Variants in METAP2 observed in about 807,000 individuals in gnomAD.
METAP2 encodes the protein methionine aminopeptidase 2.
In METAP2, 25 loss-of-function variants were observed where a neutral mutation model predicts 59.4. The observed-to-expected ratio is 0.42, with a 90% CI of 0.31 to 0.59. The LOEUF is 0.59. Among genes scored for constraint, METAP2 ranks in the 20% least tolerant of loss-of-function variants. The probability of loss-of-function intolerance (pLI) is 0.16; values close to 1 mark genes in which losing one functional copy is unlikely to be tolerated. For synonymous variants in METAP2, 214 were observed against 194.1 expected (o/e 1.10, Z -0.85); for missense variants, 366 against 581.2 (o/e 0.63, Z 3.81).
chr12:95,503,249 A>G (rs1220410930), intron 7 of METAP2, among the ~76,000 whole-genome samples: 2 of 151,790 alleles, frequency 1.3e-5, no homozygotes, highest in East Asian at 3.9e-4. Context: ...CATTCTTGTA[A>G]CCAATCTCTG....
rs2076192755 is a variant in METAP2, at chr12:95,485,874, C to T, written c.326-5C>T. On this transcript the variant is annotated splice_polypyrimidine_tract_variant and splice_region_variant and intron_variant, in intron 3 of 10. Transcript: ENST00000323666. ...AGAAGTTAATGCTTTATTTGTATCTCACAGCAAAAGTTCAAACAGACCCTC... is the reference window on the plus strand; with the variant it reads ...AGAAGTTAATGCTTTATTTGTATCTTACAGCAAAAGTTCAAACAGACCCTC... 1 of 1,524,990 alleles carries T rather than the reference C, an allele frequency of 6.6e-7. No individual in the cohort carries two copies. Among genetic ancestry groups the T allele is most frequent in the African/African-American group, 1.4e-5 (1 of 70,248 alleles). 94.5% of individuals were successfully genotyped at this position (1,524,990 alleles called of 1,614,324 possible). A position where few individuals can be genotyped will look rare whatever the true frequency, so the allele number is the denominator to read the frequency against.
At chr12:95,501,517 C>T (rs1203149068) in intron 7 of METAP2, among the ~76,000 whole-genome samples, 1 of 152,088 alleles carries the variant, frequency 6.6e-6, no homozygotes, top group African/African-American at 2.4e-5. Context: ...GAGATTGAGA[C>T]TGTTCTGGCC....
chr12:95,501,144 G>T (rs2076312357), intron 7 of METAP2, among the ~76,000 whole-genome samples: 1 of 151,472 alleles, frequency 6.6e-6, no homozygotes, highest in Non-Finnish European at 1.5e-5. Context: ...CAAGTAGCCG[G>T]GACCACAGGC....
At position 95,513,690 on chromosome 12, in the gene METAP2, A is replaced by G; in HGVS notation, c.1223A>G (p.Glu408Gly). 6.2e-7 allele frequency: 1 copy of G among 1,614,198 alleles called. No individual in the cohort carries two copies. The highest frequency in any genetic ancestry group is 8.5e-7 in the Non-Finnish European group (1 of 1,180,036). ...AAACACTTGTTAAATGTCATCAATG[A>G]AAACTTTGGAACCCTTGCCTTCTGC... The part of the protein sequence containing the change: ...RTKHLLNVIN[E>G]NFGTLAFCRR... Residue 408 changes from glutamate to glycine, a missense_variant, in exon 11 of 11, where the codon GAA becomes GGA. Physicochemically the swap from Glu to Gly is moderately conservative, Grantham distance 98 (BLOSUM62 -2). Transcript: ENST00000323666.
intron 3 of METAP2, among the ~76,000 whole-genome samples, chr12:95,485,210 A>G (rs1438614487): frequency 1.3e-5 from 2 of 152,180 alleles, no homozygotes; most frequent in Non-Finnish European, 2.9e-5. Context: ...CTATTTAGCC[A>G]TTTGTTCAAG....
At chr12:95,494,270 C>T (rs1382855376) in intron 5 of METAP2, 53 bp downstream of exon 5, 12 of 1,499,890 alleles carry the variant, frequency 8.0e-6, no homozygotes, top group Non-Finnish European at 1.0e-5. Flanking sequence ...TTATTAAGTA[C>T]TAACTCTCCA....
chr12:95,488,511 C>CAAAAAAAAAAAAA (rs537119415), intron 4 of METAP2, among the ~76,000 whole-genome samples: 2 of 76,562 alleles, frequency 2.6e-5, no homozygotes, highest in African/African-American at 1.0e-4. Context: ...TTTGTCTCAC[C>CAAAAAAAAAAAAA]AAAAAAAAAA....
intron 4 of METAP2, among the ~76,000 whole-genome samples, chr12:95,486,352 A>G (rs549960284): frequency 6.6e-6 from 1 of 152,036 alleles, no homozygotes; most frequent in Non-Finnish European, 1.5e-5. Context: ...ATAAGGGTTG[A>G]TGTCTACTAT....
chr12:95,486,838 A>G (rs1594417240), intron 4 of METAP2, among the ~76,000 whole-genome samples: 1 of 152,212 alleles, frequency 6.6e-6, no homozygotes, highest in East Asian at 1.9e-4. Context: ...TAACAAGTAC[A>G]GATGACTTAA....
intron 8 of METAP2, among the ~76,000 whole-genome samples, chr12:95,505,751 T>C (rs142940797): frequency 0.13 from 20,147 of 150,946 alleles, 1,869 homozygotes; most frequent in East Asian, 0.37. Flanking sequence ...CACCTCGGCC[T>C]CCCGAAGTGC....
At chr12:95,476,976 C>T (rs1260338849) in intron 2 of METAP2, among the ~76,000 whole-genome samples, 2 of 152,202 alleles carry the variant, frequency 1.3e-5, no homozygotes, top group Non-Finnish European at 2.9e-5. Flanking sequence ...TTTACCCAGC[C>T]ATCTCATTTT....
chr12:95,491,780 A>G lies in METAP2; in HGVS notation c.429-2276A>G, dbSNP rs185654495. Among the ~76,000 whole-genome samples the G allele has an allele frequency of 3.0e-3, 447 of 149,854 alleles. 5 individuals carry two copies. Among genetic ancestry groups the G allele is most frequent in the Non-Finnish European group, 5.8e-4 (39 of 67,498 alleles). ...GTCCCCCTTGCCCTCCCAAAGTGCT[A>G]GGATTACAGGTGTGAGCGACCATGC... On this transcript the variant is annotated intron_variant, in intron 4 of 10. Transcript: ENST00000323666.
rs370344721 is a variant in METAP2 at position 95,474,166 on chromosome 12, C to G, written c.-14C>G. ...CGCCGCTCTGTCTCATTCCCTCGCG[C>G]TCTCTCGGGCAACATGGCGGGTGTG... is the stretch of plus-strand genomic sequence containing the variant. On this transcript the variant is annotated 5_prime_UTR_variant, in exon 1 of 11. Coordinates refer to ENST00000323666, the MANE Select transcript of METAP2 (RefSeq NM_006838.4). The G allele has an allele frequency of 1.2e-6, 2 of 1,612,998 alleles. No individual in the cohort carries two copies. Among genetic ancestry groups the G allele is most frequent in the Non-Finnish European group, 1.7e-6 (2 of 1,179,520 alleles).
chr12:95,511,478 G>A (rs539172173), intron 8 of METAP2, among the ~76,000 whole-genome samples: 170 of 129,970 alleles, frequency 1.3e-3, no homozygotes, highest in African/African-American at 4.4e-3. Context: ...GGCAACCTCC[G>A]CTTCCCGGGT....
intron 7 of METAP2, among the ~76,000 whole-genome samples, chr12:95,499,986 C>A (rs1258321641): frequency 6.6e-6 from 1 of 152,184 alleles, no homozygotes; most frequent in Non-Finnish European, 1.5e-5. Context: ...CTCCCTCTCT[C>A]AGCACATGGG....
rs2076273354 is a variant in METAP2 at position 95,496,050 on chromosome 12, T to C, written c.819T>C (p.Tyr273=). 2 of 1,600,754 alleles carry C rather than the reference T, an allele frequency of 1.2e-6. No individual in the cohort carries two copies. Among genetic ancestry groups the C allele is most frequent in the Middle Eastern group, 1.7e-4 (1 of 6,026 alleles). The change falls in exon 7 of 11, where the codon TAT becomes TAC. Residue 273 remains tyrosine (Y), a synonymous_variant. Transcript: ENST00000323666. The part of the protein sequence containing the change: ...CAFTVTFNPK[Y]DTLLKAVKDA... Reference sequence around the variant, plus strand: ...TTACTGTCACTTTTAATCCCAAATATGATACGTTATTAAAAGCTGTAAAAG... The same window carrying C: ...TTACTGTCACTTTTAATCCCAAATACGATACGTTATTAAAAGCTGTAAAAG...
chr12:95,481,455 C>G (rs2076157813), intron 2 of METAP2, among the ~76,000 whole-genome samples: 1 of 152,102 alleles, frequency 6.6e-6, no homozygotes, highest in Admixed American at 6.5e-5. Flanking sequence ...GAAGAATATG[C>G]TGGGATACTG....
rs1565783992 is a variant in METAP2, at chr12:95,504,055, C to CT, written c.868-3dup. On this transcript the variant is annotated splice_polypyrimidine_tract_variant and intron_variant, in intron 7 of 10. Transcript: ENST00000323666. The stretch of plus-strand genomic sequence containing the variant: ...TTTGAATAATAAAGCATATGTTACT[C>CT]TTTTTTTAGTGTGCTGGAATTGATG... 6 of 1,602,648 alleles carry CT rather than the reference C, an allele frequency of 3.7e-6. No individual in the cohort carries two copies. Among genetic ancestry groups the CT allele is most frequent in the Non-Finnish European group, 1.7e-6 (2 of 1,175,206 alleles).
At chr12:95,475,827 G>C (rs181755135) in intron 1 of METAP2, among the ~76,000 whole-genome samples, 64 of 141,354 alleles carry the variant, frequency 4.5e-4, no homozygotes, top group African/African-American at 1.5e-3. Context: ...ACCAGTTCAC[G>C]CTGTTTATCT....
Sources: gnomAD v4.1 joint callset for allele counts (sites outside exome capture counted in the v4.1 genomes callset) on GRCh38, gnomAD v4.1.1 for gene constraint, MANE v1.5 for transcripts, NCBI Gene and HGNC (gene_info 2026-07-23, HGNC 2026-07-21) for gene names.